Variants in HECW1 observed in about 807,000 individuals in gnomAD.
The protein encoded by HECW1 is HECT, C2 and WW domain containing E3 ubiquitin protein ligase 1, also known as E3 ubiquitin-protein ligase HECW1.
A neutral mutation model predicts 182.3 loss-of-function variants in HECW1; 61 were observed. The observed-to-expected ratio is 0.33, with a 90% CI of 0.27 to 0.41. HECW1 has a LOEUF of 0.41. Among genes scored for constraint, HECW1 ranks in the 10% least tolerant of loss-of-function variants. The probability of loss-of-function intolerance (pLI) is 1.00; values close to 1 mark genes in which losing one functional copy is unlikely to be tolerated. For missense variants in HECW1, 1,739 were observed against 2,108.9 expected, an observed-to-expected ratio of 0.82 and a Z score of 3.44; for synonymous variants, 859 against 832.6, an observed-to-expected ratio of 1.03 and a Z score of -0.55.
chr7:43,282,395 G>A (rs1474365258), intron 3 of HECW1, among the ~76,000 whole-genome samples: 2 of 152,352 alleles, frequency 1.3e-5, no homozygotes, highest in African/African-American at 2.4e-5. Context: ...AGGAGCTGGC[G>A]ACAAGGGTCA....
At chr7:43,436,340 C>T (rs2076711933) in intron 8 of HECW1, among the ~76,000 whole-genome samples, 2 of 152,058 alleles carry the variant, frequency 1.3e-5, no homozygotes, top group African/African-American at 2.4e-5. Flanking sequence ...TTTACCTTCC[C>T]GAGTCTCCTT....
chr7:43,350,443 T>G (rs62458231), intron 5 of HECW1, among the ~76,000 whole-genome samples: 22,153 of 152,190 alleles, frequency 0.15, 1,836 homozygotes, highest in South Asian at 0.26. Context: ...TCCTCAATTA[T>G]TCCCCCAAAT....
chr7:43,191,221 G>A (rs1158153127), intron 2 of HECW1, among the ~76,000 whole-genome samples: 1 of 152,190 alleles, frequency 6.6e-6, no homozygotes, highest in African/African-American at 2.4e-5. Context: ...TCTGCCATAG[G>A]AGCCTTCTCC....
At chr7:43,198,701 A>AC (rs1035815084) in intron 2 of HECW1, among the ~76,000 whole-genome samples, 1 of 135,240 alleles carries the variant, frequency 7.4e-6, no homozygotes, top group African/African-American at 2.9e-5. Context: ...CCATACATAC[A>AC]CCCCCCACAA....
intron 8 of HECW1, among the ~76,000 whole-genome samples, chr7:43,412,532 C>T (rs2075838481): frequency 6.7e-6 from 1 of 150,060 alleles, no homozygotes; most frequent in Non-Finnish European, 1.5e-5. Flanking sequence ...ATACATGTGC[C>T]ATGCTGGTGC....
chr7:43,210,740 T>C (rs1726872737), intron 2 of HECW1, among the ~76,000 whole-genome samples: 1 of 152,100 alleles, frequency 6.6e-6, no homozygotes, highest in Non-Finnish European at 1.5e-5. Flanking sequence ...ATGGCAAGCC[T>C]TTAGCCCAAT....
intron 2 of HECW1, among the ~76,000 whole-genome samples, chr7:43,151,929 A>G (rs572087442): frequency 6.6e-6 from 1 of 151,790 alleles, no homozygotes; most frequent in South Asian, 2.1e-4. Context: ...ACACATACAT[A>G]TACATATCCT....
intron 2 of HECW1, among the ~76,000 whole-genome samples, chr7:43,240,457 C>A (rs185048255): frequency 6.6e-6 from 1 of 152,248 alleles, no homozygotes; most frequent in East Asian, 1.9e-4. Context: ...GACGACAGAC[C>A]GAATGAAAGA....
chr7:43,519,935 A>C (rs544600084), intron 24 of HECW1, among the ~76,000 whole-genome samples: 10 of 152,312 alleles, frequency 6.6e-5, no homozygotes, highest in African/African-American at 2.4e-4. Flanking sequence ...TTAGATTATC[A>C]ATATGTGTCA....
intron 6 of HECW1, among the ~76,000 whole-genome samples, chr7:43,380,741 T>C (rs1274082197): frequency 2.0e-5 from 3 of 151,670 alleles, no homozygotes; most frequent in Admixed American, 6.6e-5. Context: ...GTTGGCCAGG[T>C]TGATCTCAAA....
chr7:43,191,759 C>T (rs1793937516), intron 2 of HECW1, among the ~76,000 whole-genome samples: 1 of 152,162 alleles, frequency 6.6e-6, no homozygotes, highest in Admixed American at 6.5e-5. Context: ...ATTTCATCCA[C>T]TTAATTTGCT....
At chr7:43,197,209 G>GA (rs1012662365) in intron 2 of HECW1, among the ~76,000 whole-genome samples, 5 of 149,350 alleles carry the variant, frequency 3.3e-5, no homozygotes, top group African/African-American at 5.0e-5. Flanking sequence ...GAAAGATGAG[G>GA]AAAAAAAAAG....
chr7:43,469,188 G>T, intron 16 of HECW1, 83 bp downstream of exon 16: 1 of 1,390,144 alleles, frequency 7.2e-7, no homozygotes, highest in Non-Finnish European at 1.0e-6. Flanking sequence ...GGAGGAGAGT[G>T]TGGGGAGGAG....
At chr7:43,247,781 GAAAA>G (rs1185181501) in intron 3 of HECW1, among the ~76,000 whole-genome samples, 27 of 118,260 alleles carry the variant, frequency 2.3e-4, no homozygotes, top group Admixed American at 1.8e-3. Context: ...AAAAGAGAGA[GAAAA>G]AAAGAAAAGA....
chr7:43,378,122 T>C (rs148435310), intron 6 of HECW1, among the ~76,000 whole-genome samples: 1 of 152,390 alleles, frequency 6.6e-6, no homozygotes, highest in Non-Finnish European at 1.5e-5. Context: ...TGTTACACTT[T>C]CAGATTTGAA....
intron 2 of HECW1, chr7:43,121,970 T>C (rs931611326): frequency 1.3e-5 from 2 of 152,224 alleles, no homozygotes; most frequent in South Asian, 4.1e-4. Flanking sequence ...ATTTCGTTGC[T>C]TCTAGAATGC....
intron 5 of HECW1, among the ~76,000 whole-genome samples, chr7:43,347,736 T>C (rs2107555): frequency 0.4 from 60,568 of 151,892 alleles, 12,129 homozygotes; most frequent in East Asian, 0.48. Flanking sequence ...ATCATAAATG[T>C]TGGATTTTGT....
At chr7:43,141,991 T>G (rs2152633764) in intron 2 of HECW1, among the ~76,000 whole-genome samples, 1 of 152,332 alleles carries the variant, frequency 6.6e-6, no homozygotes, top group East Asian at 1.9e-4. Context: ...CAAAGTTCTA[T>G]TCCTCCCGAA....
At chr7:43,431,165 A>T (rs1335271281) in intron 8 of HECW1, among the ~76,000 whole-genome samples, 1 of 152,192 alleles carries the variant, frequency 6.6e-6, no homozygotes, top group Non-Finnish European at 1.5e-5. Flanking sequence ...TGACCACTCC[A>T]ATCTCTTTGA....
Sources: gnomAD v4.1 joint callset for allele counts (sites outside exome capture counted in the v4.1 genomes callset) on GRCh38, gnomAD v4.1.1 for gene constraint, MANE v1.5 for transcripts, NCBI Gene and HGNC (gene_info 2026-07-23, HGNC 2026-07-21) for gene names.